Variants in KIRREL3 observed in about 807,000 individuals in gnomAD.
KIRREL3 encodes the protein kin of IRRE-like protein 3.
A neutral mutation model predicts 89.7 loss-of-function variants in KIRREL3; 36 were observed. The ratio of observed to expected loss-of-function variants is 0.40; its 90% CI spans 0.31 to 0.53. The LOEUF (loss-of-function observed/expected upper bound fraction) is 0.53. KIRREL3 is among the 20% of genes least tolerant of loss of function. The pLI is 0.49. For missense variants in KIRREL3, 864 were observed against 1,056.6 expected (o/e 0.82, Z 2.53); for synonymous variants, 445 against 441.4 (o/e 1.01, Z -0.10).
intron 2 of KIRREL3, among the ~76,000 whole-genome samples, chr11:126,543,131 C>T (rs1938506806): frequency 6.6e-6 from 1 of 152,076 alleles, no homozygotes; most frequent in Admixed American, 6.6e-5. Context: ...TGTCACCCCC[C>T]AAACAGAGGC....
At chr11:126,434,670 A>G (rs547282492) in intron 13 of KIRREL3, among the ~76,000 whole-genome samples, 3 of 152,016 alleles carry the variant, frequency 2.0e-5, no homozygotes, top group Admixed American at 6.6e-5. Context: ...GTTGAGAGCA[A>G]CTCCGCCCAG....
In KIRREL3 at chr11:126,684,290, G is replaced by A. The variant is rs1946584885; in HGVS notation, c.56-121378C>T. On this transcript the variant is annotated intron_variant, in intron 1 of 16. Transcript: ENST00000525144. The surrounding 1 kb of genome is among the most constrained non-coding windows in gnomAD (Gnocchi z 4.2). ...ACCCATTTCTGCCCTTCTGAAAGCG[G>A]GAGTTAGACTAGATTGGGGCTTTCA... Among the ~76,000 whole-genome samples the A allele has an allele frequency of 2.0e-5, 3 of 152,230 alleles. No homozygotes were observed. The highest frequency in any genetic ancestry group is 1.5e-5 in the Non-Finnish European group (1 of 68,036).
intron 1 of KIRREL3, among the ~76,000 whole-genome samples, chr11:126,852,310 C>G (rs1410678696): frequency 6.6e-6 from 1 of 152,168 alleles, no homozygotes; most frequent in Non-Finnish European, 1.5e-5. Context: ...CCTCAGCCTC[C>G]CAAAGCACTG....
chr11:126,515,441 C>T lies in KIRREL3; in HGVS notation c.433+5874G>A, dbSNP rs996830014. ...CTTCAGTCTGGATGACAGAGCAAGA[C>T]CCTGACTCAAAAAAAAGATGCCTAA... On this transcript the variant is annotated intron_variant, in intron 4 of 16. Coordinates refer to ENST00000525144, the MANE Select transcript of KIRREL3 (RefSeq NM_032531.4). This position sits in a 1 kb window ranked among gnomAD's most constrained non-coding sequence, Gnocchi z 4.2. Among the ~76,000 whole-genome samples, 2 of 152,040 alleles carry T rather than the reference C, an allele frequency of 1.3e-5. No homozygotes were observed. The highest frequency in any genetic ancestry group is 2.4e-5 in the African/African-American group (1 of 41,382).
intron 8 of KIRREL3, among the ~76,000 whole-genome samples, chr11:126,447,289 T>C (rs1348285159): frequency 1.3e-5 from 2 of 152,000 alleles, no homozygotes; most frequent in African/African-American, 4.8e-5. Context: ...GGGGCCCTCC[T>C]CCTGCCCTGG....
At position 126,436,895 on chromosome 11, in the gene KIRREL3, G is replaced by T. The variant is rs531558096; in HGVS notation, c.1468C>A (p.Arg490=). 2.5e-6 allele frequency: 4 copies of T among 1,613,450 alleles called. No individual in the cohort carries two copies. Among genetic ancestry groups the T allele is most frequent in the Admixed American group, 1.7e-5 (1 of 59,998 alleles). Residue 490 remains arginine, a synonymous_variant, in exon 12 of 17, where the codon CGG becomes AGG. Transcript: ENST00000525144. ...ISTLTISNIV[R]ADFQTIYNCT... is the part of the protein sequence containing the mutation. ...TTGTAGATGGTCTGGAAGTCGGCCC[G>T]CACGATGTTGCTGATGGTCAGGGTG...
chr11:126,921,899 T>G (rs182489171), intron 1 of KIRREL3, among the ~76,000 whole-genome samples: 10 of 152,098 alleles, frequency 6.6e-5, no homozygotes, highest in Non-Finnish European at 7.4e-5. Flanking sequence ...TCTCCCTATC[T>G]ATCTATCTAT....
At chr11:126,452,851 C>T (rs966890459) in intron 7 of KIRREL3, among the ~76,000 whole-genome samples, 7 of 152,148 alleles carry the variant, frequency 4.6e-5, no homozygotes, top group Admixed American at 1.3e-4. Flanking sequence ...CTCGCCCAGC[C>T]GGTCTTTCTT....
Position 126,664,669 on chromosome 11 carries a change from G to A in KIRREL3, c.56-101757C>T, listed in dbSNP as rs370643370. Reference sequence around the variant, plus strand: ...TGCATGCCAAAGCCAGTTCTCTCTTGGAGATGGCCACTGTTGCTCTCTGGG... The same window carrying A: ...TGCATGCCAAAGCCAGTTCTCTCTTAGAGATGGCCACTGTTGCTCTCTGGG... On this transcript the variant is annotated intron_variant, in intron 1 of 16. Transcript: ENST00000525144. This position sits in a 1 kb window ranked among gnomAD's most constrained non-coding sequence, Gnocchi z 5.4. Among the ~76,000 whole-genome samples, 172 of 152,300 alleles carry A rather than the reference G, an allele frequency of 1.1e-3. 3 individuals carry two copies. The South Asian group carries it at 0.026, about 23-fold the overall frequency.
In KIRREL3 at chr11:126,755,844, AGAGAGAGAGAGG is replaced by A. The variant is rs1454114815; in HGVS notation, c.56-192944_56-192933del. On this transcript the variant is annotated intron_variant, in intron 1 of 16. Transcript: ENST00000525144. This position sits in a 1 kb window ranked among gnomAD's most constrained non-coding sequence, Gnocchi z 4.3. ...CAGGCAGAGAGAGAGAGAGAGAGAG[AGAGAGAGAGAGG>A]GAGAGAGGGAGAGAGAAAAAACAGA... 3.3e-5 allele frequency among the ~76,000 whole-genome samples: 4 copies of A among 120,206 alleles called. No individual in the cohort carries two copies. Among genetic ancestry groups the A allele is most frequent in the Non-Finnish European group, 7.2e-5 (4 of 55,478 alleles). 78.9% of individuals were successfully genotyped at this position (120,206 alleles called of 152,430 possible).
rs186896264 is a variant in KIRREL3, at chr11:126,969,579, A to C, written c.55+30876T>G. Among the ~76,000 whole-genome samples the C allele has an allele frequency of 6.6e-6, 1 of 152,276 alleles. No homozygotes were observed. Among genetic ancestry groups the C allele is most frequent in the Admixed American group, 6.5e-5 (1 of 15,294 alleles). On this transcript the variant is annotated intron_variant, in intron 1 of 16. Transcript: ENST00000525144. The surrounding 1 kb of genome is among the most constrained non-coding windows in gnomAD (Gnocchi z 4.9). ...AGAGCCAGCCAAGCAATCCCACAGGAGAACACAAGAAATATCCCCACGGCA... is the reference window on the plus strand; with the variant it reads ...AGAGCCAGCCAAGCAATCCCACAGGCGAACACAAGAAATATCCCCACGGCA...
intron 1 of KIRREL3, among the ~76,000 whole-genome samples, chr11:126,592,948 C>A (rs1421339289): frequency 6.6e-6 from 1 of 151,846 alleles, no homozygotes; most frequent in South Asian, 2.1e-4. Context: ...TGTGAGGGGG[C>A]TAGGAGCTGG....
intron 6 of KIRREL3, among the ~76,000 whole-genome samples, chr11:126,460,292 C>A (rs1956500450): frequency 6.6e-6 from 1 of 152,200 alleles, no homozygotes; most frequent in Admixed American, 6.5e-5. Context: ...TGCGTCCTGA[C>A]AGCAGCTGGT....
At chr11:126,631,207 A>G (rs1462663390) in intron 1 of KIRREL3, among the ~76,000 whole-genome samples, 4 of 152,156 alleles carry the variant, frequency 2.6e-5, no homozygotes, top group South Asian at 2.1e-4. Context: ...GCTTGCAAAT[A>G]TCATCTGAAT....
Position 126,843,530 on chromosome 11 carries a change from C to T in KIRREL3, c.55+156925G>A, listed in dbSNP as rs898753679. ...CTTCCAGCCTAGTCAGCTATGCAATCAAACCAAAGCATGCCTAAGCGATAA... is the reference window on the plus strand; with the variant it reads ...CTTCCAGCCTAGTCAGCTATGCAATTAAACCAAAGCATGCCTAAGCGATAA... On this transcript the variant is annotated intron_variant, in intron 1 of 16. Coordinates refer to ENST00000525144, the MANE Select transcript of KIRREL3 (RefSeq NM_032531.4). This position sits in a 1 kb window ranked among gnomAD's most constrained non-coding sequence, Gnocchi z 4.6. Among the ~76,000 whole-genome samples, 1 of 152,144 alleles carries T rather than the reference C, an allele frequency of 6.6e-6. No individual in the cohort carries two copies. Among genetic ancestry groups the T allele is most frequent in the African/African-American group, 2.4e-5 (1 of 41,434 alleles).
At position 126,912,244 on chromosome 11, in the gene KIRREL3, G is replaced by A. The variant is rs1338266463; in HGVS notation, c.55+88211C>T. On this transcript the variant is annotated intron_variant, in intron 1 of 16. Coordinates refer to ENST00000525144, the MANE Select transcript of KIRREL3 (RefSeq NM_032531.4). This position sits in a 1 kb window ranked among gnomAD's most constrained non-coding sequence, Gnocchi z 4.7. ...ATGGTCATCTCCCTGGAGATGTGCA[G>A]ATACCCTTCACCTTCAAGCAGGCTA... 6.6e-6 allele frequency among the ~76,000 whole-genome samples: 1 copy of A among 152,098 alleles called. No homozygotes were observed. Among genetic ancestry groups the A allele is most frequent in the Non-Finnish European group, 1.5e-5 (1 of 68,020 alleles).
chr11:126,500,749 A>AAAAAAAG (rs1555125524), intron 4 of KIRREL3, among the ~76,000 whole-genome samples: 3 of 151,834 alleles, frequency 2.0e-5, no homozygotes, highest in Non-Finnish European at 2.9e-5. Flanking sequence ...CAAAAAAAAA[A>AAAAAAAG]AAAAAGAAAA....
At chr11:126,659,942 G>T (rs958556716) in intron 1 of KIRREL3, among the ~76,000 whole-genome samples, 1 of 152,228 alleles carries the variant, frequency 6.6e-6, no homozygotes, top group Non-Finnish European at 1.5e-5. Context: ...GTGGCCTGGT[G>T]CTTATTGTAT....
rs1958089515 is a variant in KIRREL3 at position 126,508,201 on chromosome 11, A to T, written c.433+13114T>A. 6.6e-6 allele frequency among the ~76,000 whole-genome samples: 1 copy of T among 152,132 alleles called. No homozygotes were observed. The highest frequency in any genetic ancestry group is 2.1e-4 in the South Asian group (1 of 4,824). On this transcript the variant is annotated intron_variant, in intron 4 of 16. Coordinates refer to ENST00000525144, the MANE Select transcript of KIRREL3 (RefSeq NM_032531.4). This position sits in a 1 kb window ranked among gnomAD's most constrained non-coding sequence, Gnocchi z 4.9. Reference sequence around the variant, plus strand: ...TAAACATTTATAAACACCTGGATCGACTTGTGAAAGTGTGACACATTTTTT... The same window carrying T: ...TAAACATTTATAAACACCTGGATCGTCTTGTGAAAGTGTGACACATTTTTT...
Sources: allele counts gnomAD v4.1 joint callset (sites outside exome capture counted in the v4.1 genomes callset), GRCh38; gene constraint gnomAD v4.1.1; non-coding constraint Gnocchi (gnomAD v3.1); transcripts MANE v1.5; gene names NCBI Gene and HGNC (gene_info 2026-07-23, HGNC 2026-07-21).